The following MARCHF1 variants were observed in gnomAD, a reference collection of about 807,000 sequenced individuals.
MARCHF1 encodes E3 ubiquitin-protein ligase MARCHF1.
MARCHF1 carries 40 observed loss-of-function variants against 54.2 expected under a neutral mutation model. The observed-to-expected ratio is 0.74, with a 90% CI of 0.57 to 0.96. The LOEUF is 0.96. Among genes scored for constraint, MARCHF1 ranks in the 40% least tolerant of loss-of-function variants. The pLI is 0.00. For synonymous variants in MARCHF1, 236 were observed against 236.3 expected (o/e 1.00, Z 0.01); for missense variants, 586 against 656.5 (o/e 0.89, Z 1.17).
intron 1 of MARCHF1, among the ~76,000 whole-genome samples, chr4:164,344,494 G>A (rs556320339): frequency 1.3e-5 from 2 of 150,430 alleles, no homozygotes; most frequent in South Asian, 4.3e-4. Context: ...GTGTGTTTTG[G>A]TCAGCACTTT....
chr4:163,838,281 A>C (rs904126739), intron 4 of MARCHF1, among the ~76,000 whole-genome samples: 3 of 152,146 alleles, frequency 2.0e-5, no homozygotes, highest in Non-Finnish European at 4.4e-5. Context: ...CATGCACTTT[A>C]AATCATCTCT....
At chr4:164,134,370 G>A (rs930752092) in intron 1 of MARCHF1, among the ~76,000 whole-genome samples, 2 of 152,208 alleles carry the variant, frequency 1.3e-5, no homozygotes, top group Admixed American at 6.5e-5. Context: ...GCTGAAAGCA[G>A]TACTTGTTAA....
intron 4 of MARCHF1, among the ~76,000 whole-genome samples, chr4:163,753,031 C>G (rs1038302044): frequency 5.3e-5 from 8 of 152,110 alleles, no homozygotes; most frequent in African/African-American, 1.9e-4. Flanking sequence ...TTCTTTTGAA[C>G]ACACACATAT....
chr4:163,690,095 G>A (rs1744399057), intron 5 of MARCHF1, among the ~76,000 whole-genome samples: 1 of 152,138 alleles, frequency 6.6e-6, no homozygotes, highest in African/African-American at 2.4e-5. Context: ...ATAGGCCAGA[G>A]TTCTTCAGCT....
intron 8 of MARCHF1, among the ~76,000 whole-genome samples, chr4:163,546,556 TTGAA>T (rs1385336501): frequency 1.3e-5 from 2 of 152,198 alleles, no homozygotes; most frequent in Non-Finnish European, 2.9e-5. Flanking sequence ...TAATAAGTAT[TTGAA>T]TGACCGAATG....
chr4:164,345,087 CTG>C (rs1258909547), intron 1 of MARCHF1, among the ~76,000 whole-genome samples: 2 of 152,050 alleles, frequency 1.3e-5, no homozygotes, highest in African/African-American at 4.8e-5. Context: ...TGTAGGATAA[CTG>C]TAGTTATCAA....
chr4:163,942,824 A>G (rs1263753028), intron 3 of MARCHF1, among the ~76,000 whole-genome samples: 2 of 151,912 alleles, frequency 1.3e-5, no homozygotes, highest in Admixed American at 1.3e-4. Flanking sequence ...TTTCCTCTCA[A>G]CCTTAGCTTT....
chr4:163,900,459 C>A (rs1750915458), intron 3 of MARCHF1, among the ~76,000 whole-genome samples: 2 of 151,828 alleles, frequency 1.3e-5, no homozygotes, highest in Admixed American at 6.6e-5. Flanking sequence ...TAGTTTCAGG[C>A]CTAAACAATA....
At chr4:164,009,743 C>A (rs1358757201) in intron 2 of MARCHF1, among the ~76,000 whole-genome samples, 1 of 152,012 alleles carries the variant, frequency 6.6e-6, no homozygotes, top group Non-Finnish European at 1.5e-5. Flanking sequence ...AATTCAACAT[C>A]CCTTAATGGT....
chr4:163,832,993 T>G (rs1749074420), intron 4 of MARCHF1, among the ~76,000 whole-genome samples: 1 of 152,112 alleles, frequency 6.6e-6, no homozygotes, highest in African/African-American at 2.4e-5. Context: ...TCTATCATTG[T>G]TGGATATTTG....
Position 163,933,286 on chromosome 4 carries a change from A to T in MARCHF1, c.-39+55215T>A, listed in dbSNP as rs542378683. 1.7e-4 allele frequency: 106 copies of T among 633,782 alleles called. 1 individual carries two copies. Among genetic ancestry groups the T allele is most frequent in the South Asian group, 1.5e-3 (103 of 69,556 alleles). The allele number at this position is 633,782 out of a possible 1,614,324, so 39.3% of individuals were successfully genotyped here. On this transcript the variant is annotated intron_variant, in intron 3 of 9. Coordinates refer to ENST00000514618, the MANE Select transcript of MARCHF1 (RefSeq NM_001394959.1). ...ACAGGGTGTCATCCTTCTTCCCTTCAAGAAACCTTTTTACATATCTCCATT... is the reference window on the plus strand; with the variant it reads ...ACAGGGTGTCATCCTTCTTCCCTTCTAGAAACCTTTTTACATATCTCCATT...
chr4:163,682,632 G>T (rs1044424120), intron 5 of MARCHF1, among the ~76,000 whole-genome samples: 1 of 152,194 alleles, frequency 6.6e-6, no homozygotes, highest in Non-Finnish European at 1.5e-5. Flanking sequence ...CACATGCTGT[G>T]GAAGGGACCC....
At chr4:163,691,801 C>T (rs538870734) in intron 5 of MARCHF1, among the ~76,000 whole-genome samples, 34 of 152,254 alleles carry the variant, frequency 2.2e-4, no homozygotes, top group African/African-American at 7.2e-4. Flanking sequence ...TTTTTCCCCA[C>T]GCAGATGTTT....
chr4:164,301,038 C>T (rs1010286474), intron 1 of MARCHF1, among the ~76,000 whole-genome samples: 6 of 151,808 alleles, frequency 4.0e-5, no homozygotes, highest in East Asian at 1.9e-4. Flanking sequence ...ATAAGATCTT[C>T]GGAAAGATGC....
At chr4:164,179,698 C>T (rs977503051) in intron 1 of MARCHF1, among the ~76,000 whole-genome samples, 12 of 151,874 alleles carry the variant, frequency 7.9e-5, no homozygotes, top group Admixed American at 6.6e-4. Context: ...AACAAATATC[C>T]TTTTTATAAG....
At chr4:164,014,190 CAA>C (rs70948689) in intron 2 of MARCHF1, among the ~76,000 whole-genome samples, 10 of 113,174 alleles carry the variant, frequency 8.8e-5, no homozygotes, top group Non-Finnish European at 9.4e-5. Context: ...GACTGCATCT[CAA>C]AAAAAAAAAA....
intron 2 of MARCHF1, among the ~76,000 whole-genome samples, chr4:164,068,692 C>A (rs1013032732): frequency 6.6e-6 from 1 of 152,174 alleles, no homozygotes; most frequent in African/African-American, 2.4e-5. Context: ...CCGCCCCCTG[C>A]TCCATGGCCC....
intron 9 of MARCHF1, among the ~76,000 whole-genome samples, chr4:163,534,728 A>G (rs1738472150): frequency 6.6e-6 from 1 of 152,108 alleles, no homozygotes; most frequent in South Asian, 2.1e-4. Flanking sequence ...AAATGTTTCC[A>G]TGGTCCCTTT....
intron 5 of MARCHF1, among the ~76,000 whole-genome samples, chr4:163,637,887 T>G (rs1390498934): frequency 6.6e-6 from 1 of 150,842 alleles, no homozygotes; most frequent in Non-Finnish European, 1.5e-5. Context: ...ATGTGGCACA[T>G]ATACACCATG....
Sources: allele counts gnomAD v4.1 joint callset (sites outside exome capture counted in the v4.1 genomes callset), GRCh38; gene constraint gnomAD v4.1.1; transcripts MANE v1.5; gene names NCBI Gene and HGNC (gene_info 2026-07-23, HGNC 2026-07-21).